NUP205: variants seen among roughly 807,000 people sequenced by gnomAD.
NUP205 encodes nuclear pore complex protein Nup205.
A neutral mutation model predicts 253.8 loss-of-function variants in NUP205; 76 were observed. The ratio of observed to expected loss-of-function variants is 0.30; its 90% CI spans 0.25 to 0.36. The LOEUF is 0.36. Among genes scored for constraint, NUP205 ranks in the 10% least tolerant of loss-of-function variants. NUP205 has a pLI of 1.00. For synonymous variants in NUP205, 832 were observed against 850.1 expected, an observed-to-expected ratio of 0.98 and a Z score of 0.37; for missense variants, 2,162 against 2,425.5, an observed-to-expected ratio of 0.89 and a Z score of 2.28.
At chr7:135,561,066 C>T (rs1805567915) in intron 1 of NUP205, among the ~76,000 whole-genome samples, 1 of 152,108 alleles carries the variant, frequency 6.6e-6, no homozygotes, top group Non-Finnish European at 1.5e-5. Flanking sequence ...TATGGTTGGC[C>T]AGGTGTGGTG....
At chr7:135,640,809 A>G (rs1794903556) in intron 38 of NUP205, among the ~76,000 whole-genome samples, 1 of 152,234 alleles carries the variant, frequency 6.6e-6, no homozygotes, top group Non-Finnish European at 1.5e-5. Flanking sequence ...TTGTAGTTCT[A>G]TTTTATAGAG....
chr7:135,646,442 A>C (rs1563142587), intron 42 of NUP205, among the ~76,000 whole-genome samples: 1 of 151,874 alleles, frequency 6.6e-6, no homozygotes, highest in Non-Finnish European at 1.5e-5. Context: ...ACCTGTAGTC[A>C]CAGCTACCTG....
intron 24 of NUP205, 80 bp downstream of exon 24, chr7:135,616,145 A>T (rs1226488381): frequency 7.5e-7 from 1 of 1,337,164 alleles, no homozygotes; most frequent in Non-Finnish European, 1.0e-6. Flanking sequence ...TGTGCTTAGT[A>T]TGTGACTATA....
chr7:135,558,116 C>T (rs1048694926), intron 1 of NUP205, 144 bp downstream of exon 1: 2 of 722,886 alleles, frequency 2.8e-6, no homozygotes, highest in African/African-American at 3.5e-5. Context: ...TAGAGTCCCA[C>T]CCCTCCCCAG....
At chr7:135,640,479 C>A (rs1345851595) in intron 38 of NUP205, among the ~76,000 whole-genome samples, 3 of 152,194 alleles carry the variant, frequency 2.0e-5, no homozygotes, top group East Asian at 3.8e-4. Context: ...TTAAAGATTT[C>A]TTCCTGCCTT....
At chr7:135,570,214 A>G (rs903062297) in intron 1 of NUP205, among the ~76,000 whole-genome samples, 1 of 151,212 alleles carries the variant, frequency 6.6e-6, no homozygotes, top group Non-Finnish European at 1.5e-5. Flanking sequence ...TATTTATTTA[A>G]TTTTTAAATT....
chr7:135,563,648 A>G (rs903059904), intron 1 of NUP205, among the ~76,000 whole-genome samples: 2 of 152,162 alleles, frequency 1.3e-5, no homozygotes, highest in African/African-American at 4.8e-5. Context: ...ACTAAACTAC[A>G]TGGTAAAAAT....
intron 4 of NUP205, 28 bp from the exon 5 acceptor site, chr7:135,576,941 G>T (rs73725137): frequency 6.3e-7 from 1 of 1,590,698 alleles, no homozygotes; most frequent in Non-Finnish European, 8.5e-7. Flanking sequence ...ATTGTTTAAC[G>T]TAGTTTATTG....
chr7:135,622,745 T>A (rs980792180), intron 30 of NUP205, 32 bp from the exon 31 acceptor site: 4 of 1,607,018 alleles, frequency 2.5e-6, no homozygotes, highest in Admixed American at 1.7e-5. Context: ...TGCTTTTTAC[T>A]GGAGTGTTTT....
In NUP205 at chr7:135,604,388, C is replaced by A; in HGVS notation, c.2751C>A (p.Ala917=). Residue 917 remains alanine, a synonymous_variant, in exon 19 of 43, where the codon GCC becomes GCA. Coordinates refer to ENST00000285968, the MANE Select transcript of NUP205 (RefSeq NM_015135.3). Reference sequence around the variant, plus strand: ...ATCCAGAATTGGCTTTTGAAAGTGCCAAGATCCTCTGTTGTATCTCTTGCA... The same window carrying A: ...ATCCAGAATTGGCTTTTGAAAGTGCAAAGATCCTCTGTTGTATCTCTTGCA... The part of the protein sequence containing the change: ...NTNPELAFES[A]KILCCISCNS... The A allele has an allele frequency of 1.2e-6, 2 of 1,612,750 alleles. No homozygotes were observed.
intron 1 of NUP205, among the ~76,000 whole-genome samples, chr7:135,564,831 G>A (rs945630211): frequency 6.6e-6 from 1 of 151,610 alleles, no homozygotes; most frequent in Non-Finnish European, 1.5e-5. Flanking sequence ...GCAGTGGTGC[G>A]CTCTTGGCTC....
At chr7:135,558,492 T>C (rs13233394) in intron 1 of NUP205, among the ~76,000 whole-genome samples, 33,848 of 152,078 alleles carry the variant, frequency 0.22, 4,386 homozygotes, top group East Asian at 0.51. Flanking sequence ...GCAGACGTCT[T>C]CTAACCCTGC....
intron 22 of NUP205, among the ~76,000 whole-genome samples, chr7:135,611,754 G>A (rs1794244885): frequency 6.6e-6 from 1 of 152,026 alleles, no homozygotes; most frequent in African/African-American, 2.4e-5. Context: ...CAGGAGAATC[G>A]CTTGAACCTG....
chr7:135,561,038 T>C (rs1280410374), intron 1 of NUP205, among the ~76,000 whole-genome samples: 2 of 152,166 alleles, frequency 1.3e-5, no homozygotes, highest in East Asian at 3.9e-4. Context: ...AATACAGAGA[T>C]TGTAGAGTTC....
At chr7:135,638,220 G>A (rs1794852920) in intron 37 of NUP205, among the ~76,000 whole-genome samples, 161 bp downstream of exon 37, 1 of 152,172 alleles carries the variant, frequency 6.6e-6, no homozygotes, top group Admixed American at 6.5e-5. Flanking sequence ...GACCATCCTA[G>A]CCAACATGGT....
intron 1 of NUP205, among the ~76,000 whole-genome samples, chr7:135,564,197 A>G (rs1359504426): frequency 3.1e-4 from 46 of 150,718 alleles, no homozygotes; most frequent in Admixed American, 3.1e-3. Context: ...CTCCCACTTC[A>G]GCCTCATGAG....
intron 7 of NUP205, among the ~76,000 whole-genome samples, chr7:135,582,328 T>G (rs79128183): frequency 0.017 from 2,573 of 152,300 alleles, 42 homozygotes; most frequent in Non-Finnish European, 0.02. Context: ...TCTCTTTTAA[T>G]TCTGGTGTTT....
At position 135,627,853 on chromosome 7, in the gene NUP205, CACTA is replaced by C; in HGVS notation, c.4794-119_4794-116del. ...ATGTATATATGGGATGCAGAGTACT[CACTA>C]GTTGATTCACATCTTAATCAGCCGG... On this transcript the variant is annotated intron_variant, in intron 33 of 42. Coordinates refer to ENST00000285968, the MANE Select transcript of NUP205 (RefSeq NM_015135.3). 3.2e-6 allele frequency: 3 copies of C among 926,226 alleles called. No individual in the cohort carries two copies. The South Asian group carries it at 4.8e-5, about 15-fold the overall frequency. 57.4% of individuals were successfully genotyped at this position (926,226 alleles called of 1,614,324 possible).
At chr7:135,563,750 T>G (rs1805662398) in intron 1 of NUP205, among the ~76,000 whole-genome samples, 1 of 152,062 alleles carries the variant, frequency 6.6e-6, no homozygotes, top group Non-Finnish European at 1.5e-5. Flanking sequence ...TTTAGGAGGC[T>G]GAGGAGGGAG....
Sources: gnomAD v4.1 joint callset for allele counts (sites outside exome capture counted in the v4.1 genomes callset) on GRCh38, gnomAD v4.1.1 for gene constraint, MANE v1.5 for transcripts, NCBI Gene and HGNC (gene_info 2026-07-23, HGNC 2026-07-21) for gene names.